The following PRUNE2 variants were observed in gnomAD, a reference collection of about 807,000 sequenced individuals.
The protein encoded by PRUNE2 is protein prune homolog 2.
A neutral mutation model predicts 252.0 loss-of-function variants in PRUNE2; 164 were observed. That is an observed-to-expected ratio of 0.65 (90% CI 0.57 to 0.74). PRUNE2 has a LOEUF of 0.74. Among genes scored for constraint, PRUNE2 ranks in the 30% least tolerant of loss-of-function variants. The pLI is 0.00. For synonymous variants in PRUNE2, 1,292 were observed against 1,350.2 expected, an observed-to-expected ratio of 0.96 and a Z score of 0.94; for missense variants, 3,495 against 3,711.0, an observed-to-expected ratio of 0.94 and a Z score of 1.51.
chr9:76,818,963 A>G (rs1050053783), intron 6 of PRUNE2, among the ~76,000 whole-genome samples: 30 of 152,308 alleles, frequency 2.0e-4, no homozygotes, highest in East Asian at 1.9e-4. Flanking sequence ...TAGTAAACTA[A>G]GATGAGGCCA....
chr9:76,857,218 C>T (rs932925828), intron 1 of PRUNE2: 55 of 442,284 alleles, frequency 1.2e-4, no homozygotes, highest in Middle Eastern at 6.7e-4. Flanking sequence ...TCCCCCTCCA[C>T]CCCCATCCAT....
chr9:76,839,978 GT>G (rs1221852955), intron 4 of PRUNE2, among the ~76,000 whole-genome samples: 1 of 152,192 alleles, frequency 6.6e-6, no homozygotes, highest in Non-Finnish European at 1.5e-5. Flanking sequence ...AAACTAAAAG[GT>G]TCTACTGCAG....
chr9:76,692,918 G>C (rs957698406), intron 9 of PRUNE2: 1 of 152,032 alleles, frequency 6.6e-6, no homozygotes, highest in Non-Finnish European at 1.5e-5. Flanking sequence ...GGAGGTTGCA[G>C]TGAGCCGAGA....
chr9:76,762,232 G>A (rs1458465215), intron 6 of PRUNE2, among the ~76,000 whole-genome samples: 2 of 152,200 alleles, frequency 1.3e-5, no homozygotes. Context: ...CATTAAATGT[G>A]CTGCATTTGA....
At chr9:76,856,052 T>C (rs1323069918) in intron 1 of PRUNE2, among the ~76,000 whole-genome samples, 2 of 152,260 alleles carry the variant, frequency 1.3e-5, no homozygotes, top group Non-Finnish European at 2.9e-5. Context: ...CAGAATGCTA[T>C]TCTTCCGAGA....
intron 12 of PRUNE2, among the ~76,000 whole-genome samples, chr9:76,639,446 G>A (rs771857681): frequency 1.3e-5 from 2 of 152,164 alleles, no homozygotes; most frequent in African/African-American, 2.4e-5. Flanking sequence ...AGCCAAGATC[G>A]TGCCACTGCC....
chr9:76,628,865 T>G (rs1391229362), intron 16 of PRUNE2, among the ~76,000 whole-genome samples: 1 of 151,812 alleles, frequency 6.6e-6, no homozygotes, highest in Non-Finnish European at 1.5e-5. Flanking sequence ...TTTTTTTTTT[T>G]GATACAGGGT....
In PRUNE2 at chr9:76,820,110, G is replaced by A. The variant is rs543429715; in HGVS notation, c.756+3522C>T. Among the ~76,000 whole-genome samples, 5 of 152,278 alleles carry A rather than the reference G, an allele frequency of 3.3e-5. No homozygotes were observed. In the East Asian group the frequency reaches 5.8e-4, roughly 18 times the overall value. ...ACTTGGAATGGCTTGGAGGCTGAGC[G>A]AAATGAGACTGCAGTTATCTTTTCC... On this transcript the variant is annotated intron_variant, in intron 6 of 18. Coordinates refer to ENST00000376718, the MANE Select transcript of PRUNE2 (RefSeq NM_015225.3).
At position 76,707,485 on chromosome 9, in the gene PRUNE2, T is replaced by C. The variant is rs1289576489; in HGVS notation, c.4789A>G (p.Thr1597Ala). The change falls in exon 8 of 19, where the codon ACC (threonine) becomes GCC (alanine). Residue 1597 changes from threonine (T) to alanine (A), a missense_variant. By Grantham distance (58) the Thr-to-Ala change is moderately conservative. Transcript: ENST00000376718. ...TTTTTCTCTAAATCCTTCACTTTGGTAACTATTTCTACTTGGCCATCAGTG... is the reference window on the plus strand; with the variant it reads ...TTTTTCTCTAAATCCTTCACTTTGGCAACTATTTCTACTTGGCCATCAGTG... ...ITTDGQVEIV[T>A]KVKDLEKNRI... 9.3e-6 allele frequency: 15 copies of C among 1,613,916 alleles called. No individual in the cohort carries two copies. The highest frequency in any genetic ancestry group is 1.2e-5 in the Non-Finnish European group (14 of 1,179,838).
At chr9:76,672,779 T>G (rs1222129787) in intron 9 of PRUNE2, among the ~76,000 whole-genome samples, 1 of 136,472 alleles carries the variant, frequency 7.3e-6, no homozygotes, top group Non-Finnish European at 1.6e-5. Context: ...ACATGGAAAC[T>G]GAACAACCTG....
At position 76,705,489 on chromosome 9, in the gene PRUNE2, C is replaced by T. The variant is rs771934771; in HGVS notation, c.6785G>A (p.Gly2262Asp). 5 of 1,613,850 alleles carry T rather than the reference C, an allele frequency of 3.1e-6. No individual in the cohort carries two copies. In the African/African-American group the frequency reaches 4.0e-5, roughly 13 times the overall value. The change falls in exon 8 of 19, where the codon GGT becomes GAT. Residue 2262 changes from glycine to aspartate, a missense_variant. Physicochemically the swap from Gly to Asp is moderately conservative, Grantham distance 94 (BLOSUM62 -1). Coordinates refer to ENST00000376718, the MANE Select transcript of PRUNE2 (RefSeq NM_015225.3). ...SDSFSPESQP[G>D]ARALFDGDPH... Reference sequence around the variant, plus strand: ...ATCACCATCAAACAAAGCTCTTGCACCAGGCTGACTTTCAGGAGAAAAGCT... The same window carrying T: ...ATCACCATCAAACAAAGCTCTTGCATCAGGCTGACTTTCAGGAGAAAAGCT...
chr9:76,807,718 A>T (rs1209892748), intron 6 of PRUNE2, among the ~76,000 whole-genome samples: 2 of 152,182 alleles, frequency 1.3e-5, no homozygotes, highest in African/African-American at 4.8e-5. Flanking sequence ...CAGAGCTGGG[A>T]CCAGGAAAGG....
At chr9:76,744,666 A>G (rs2049945774) in intron 6 of PRUNE2, among the ~76,000 whole-genome samples, 1 of 152,068 alleles carries the variant, frequency 6.6e-6, no homozygotes, top group African/African-American at 2.4e-5. Context: ...ACAATGGGTA[A>G]TCTCTCTTTT....
At chr9:76,772,089 A>T (rs549906070) in intron 6 of PRUNE2, among the ~76,000 whole-genome samples, 2 of 152,310 alleles carry the variant, frequency 1.3e-5, no homozygotes, top group East Asian at 3.9e-4. Flanking sequence ...CCTGGCTTTA[A>T]ACCAAGGTGT....
At chr9:76,857,335 C>G (rs1365835436) in intron 1 of PRUNE2, among the ~76,000 whole-genome samples, 1 of 151,972 alleles carries the variant, frequency 6.6e-6, no homozygotes, top group Non-Finnish European at 1.5e-5. Flanking sequence ...TAACGTGTCA[C>G]CAATGTAATA....
intron 6 of PRUNE2, chr9:76,739,074 CT>C (rs2049333385): frequency 6.6e-6 from 1 of 152,138 alleles, no homozygotes; most frequent in Non-Finnish European, 1.5e-5. Flanking sequence ...GAGCTAAGAG[CT>C]TAAGGGCCTC....
In PRUNE2 at chr9:76,705,381, G is replaced by C. The variant is rs2046238283; in HGVS notation, c.6893C>G (p.Ala2298Gly). The change falls in exon 8 of 19, where the codon GCC (alanine) becomes GGC (glycine). Residue 2298 changes from alanine (A) to glycine (G), a missense_variant. By Grantham distance (60) the Ala-to-Gly change is moderately conservative. Transcript: ENST00000376718. ...GGCATCGCTGAAACTGTGGTCAAAG[G>C]CAGCTTCGCTTATATCCAGACAAGT... ...SDTCLDISEA[A>G]FDHSFSDASG... 6.2e-7 allele frequency: 1 copy of C among 1,613,980 alleles called. No homozygotes were observed.
In PRUNE2 at chr9:76,816,422, T is replaced by C. The variant is rs1030450751; in HGVS notation, c.756+7210A>G. Among the ~76,000 whole-genome samples, 18 of 152,148 alleles carry C rather than the reference T, an allele frequency of 1.2e-4. 1 individual carries two copies. Among genetic ancestry groups the C allele is most frequent in the South Asian group, 2.1e-4 (1 of 4,828 alleles). On this transcript the variant is annotated intron_variant, in intron 6 of 18. Transcript: ENST00000376718. ...TTACCAAGAACCACTCATAGCTCAATAGGAACGAAAGTCCACTTTTCTGGG... is the reference window on the plus strand; with the variant it reads ...TTACCAAGAACCACTCATAGCTCAACAGGAACGAAAGTCCACTTTTCTGGG...
At chr9:76,765,423 T>C (rs1408644339) in intron 6 of PRUNE2, among the ~76,000 whole-genome samples, 1 of 151,992 alleles carries the variant, frequency 6.6e-6, no homozygotes, top group East Asian at 1.9e-4. Context: ...TGATGAGGGG[T>C]TTCAATAGAA....
Sources: allele counts gnomAD v4.1 joint callset (sites outside exome capture counted in the v4.1 genomes callset), GRCh38; gene constraint gnomAD v4.1.1; transcripts MANE v1.5; gene names NCBI Gene and HGNC (gene_info 2026-07-23, HGNC 2026-07-21).